Variants in PLEKHM3 observed in about 807,000 individuals in gnomAD.
The protein encoded by PLEKHM3 is pleckstrin homology domain-containing family M member 3.
Under a neutral mutation model 81.8 loss-of-function variants are expected in PLEKHM3, and 45 were observed. The observed-to-expected ratio is 0.55, with a 90% CI of 0.43 to 0.71. The LOEUF (loss-of-function observed/expected upper bound fraction) is 0.71, where lower values mean the gene tolerates loss of function less well. Among genes scored for constraint, PLEKHM3 ranks in the 30% least tolerant of loss-of-function variants. PLEKHM3 has a pLI of 0.00. For synonymous variants in PLEKHM3, 352 were observed against 356.4 expected (o/e 0.99, Z 0.14); for missense variants, 788 against 924.3 (o/e 0.85, Z 1.91).
At chr2:208,011,785 C>CTAT (rs1468793013) in intron 1 of PLEKHM3, among the ~76,000 whole-genome samples, 2 of 79,992 alleles carry the variant, frequency 2.5e-5, no homozygotes. Flanking sequence ...CTCTGATAAA[C>CTAT]TTTTTTTTTT....
At chr2:207,836,342 A>G (rs2092319486) in intron 7 of PLEKHM3, among the ~76,000 whole-genome samples, 1 of 150,438 alleles carries the variant, frequency 6.6e-6, no homozygotes, top group Non-Finnish European at 1.5e-5. Context: ...AAAAAGCACC[A>G]TGGAATGAGA....
At chr2:207,861,640 A>G (rs191533797) in intron 6 of PLEKHM3, among the ~76,000 whole-genome samples, 1 of 152,200 alleles carries the variant, frequency 6.6e-6, no homozygotes, top group African/African-American at 2.4e-5. Context: ...ATCTGAATGC[A>G]TTAAGTTTAT....
At chr2:208,020,867 T>C (rs1403830961) in intron 1 of PLEKHM3, among the ~76,000 whole-genome samples, 1 of 152,116 alleles carries the variant, frequency 6.6e-6, no homozygotes, top group Non-Finnish European at 1.5e-5. Flanking sequence ...TGAAATAGGA[T>C]AGGGTGACAA....
intron 7 of PLEKHM3, among the ~76,000 whole-genome samples, chr2:207,844,507 C>T (rs2092372806): frequency 6.6e-6 from 1 of 151,408 alleles, no homozygotes; most frequent in South Asian, 2.1e-4. Context: ...GGGGTTTCAC[C>T]GTGTTAGCCA....
chr2:207,921,464 G>A (rs946523120), intron 5 of PLEKHM3, among the ~76,000 whole-genome samples: 24 of 152,096 alleles, frequency 1.6e-4, no homozygotes, highest in African/African-American at 5.8e-4. Flanking sequence ...TCAAATCAGG[G>A]TAATTAGCAC....
At chr2:207,858,965 T>G (rs1574342125) in intron 7 of PLEKHM3, among the ~76,000 whole-genome samples, 1 of 151,874 alleles carries the variant, frequency 6.6e-6, no homozygotes, top group Admixed American at 6.6e-5. Flanking sequence ...CTTTCCTCCT[T>G]CCCCCAAGCC....
intron 5 of PLEKHM3, among the ~76,000 whole-genome samples, chr2:207,925,612 G>A (rs961107328): frequency 3.9e-5 from 6 of 152,122 alleles, no homozygotes; most frequent in Admixed American, 1.3e-4. Flanking sequence ...CCAACTTAAC[G>A]CAGAGTTTAT....
chr2:207,910,949 GTA>G lies in PLEKHM3; in HGVS notation c.1887-2374_1887-2373del, dbSNP rs376050501. On this transcript the variant is annotated intron_variant, in intron 5 of 7. Coordinates refer to ENST00000427836, the MANE Select transcript of PLEKHM3 (RefSeq NM_001080475.3). ...GAAGGGACTCTAAGATGACCCTGAA[GTA>G]TAGAGCCTGGGGATGAGAATGGTGA... Among the ~76,000 whole-genome samples the G allele has an allele frequency of 7.2e-5, 11 of 152,312 alleles. 1 individual carries two copies. Among genetic ancestry groups the G allele is most frequent in the African/African-American group, 1.9e-4 (8 of 41,582 alleles).
At chr2:207,831,560 C>G (rs995550004) in intron 7 of PLEKHM3, among the ~76,000 whole-genome samples, 10 of 152,204 alleles carry the variant, frequency 6.6e-5, no homozygotes, top group African/African-American at 2.4e-4. Context: ...ACGGTGAACC[C>G]CTTCCTATTC....
intron 4 of PLEKHM3, among the ~76,000 whole-genome samples, chr2:207,940,701 T>G (rs544004638): frequency 6.6e-6 from 1 of 152,282 alleles, no homozygotes; most frequent in African/African-American, 2.4e-5. Flanking sequence ...CATGACACGA[T>G]GGTGGCACGA....
At chr2:207,954,071 C>T (rs544156817) in intron 3 of PLEKHM3, among the ~76,000 whole-genome samples, 16 of 152,272 alleles carry the variant, frequency 1.1e-4, no homozygotes, top group African/African-American at 3.6e-4. Context: ...CCTGTAATCC[C>T]AGTACTTTTG....
chr2:207,959,555 C>A (rs74726672), intron 3 of PLEKHM3, among the ~76,000 whole-genome samples: 1 of 152,184 alleles, frequency 6.6e-6, no homozygotes, highest in Admixed American at 6.5e-5. Flanking sequence ...AGGGTCCCCT[C>A]TGACTTCTCT....
At chr2:207,894,462 T>C (rs1688155810) in intron 6 of PLEKHM3, among the ~76,000 whole-genome samples, 1 of 151,798 alleles carries the variant, frequency 6.6e-6, no homozygotes, top group South Asian at 2.1e-4. Flanking sequence ...ACTCCAGGGC[T>C]AATGATGGGT....
Position 208,001,686 on chromosome 2 carries a change from T to C in PLEKHM3, c.-47A>G, listed in dbSNP as rs758128314. The C allele has an allele frequency of 6.4e-7, 1 of 1,561,468 alleles. No individual in the cohort carries two copies. The highest frequency in any genetic ancestry group is 1.2e-5 in the South Asian group (1 of 81,934). On this transcript the variant is annotated 5_prime_UTR_variant, in exon 2 of 8. Transcript: ENST00000427836. ...TAGCCTCCTAAGCTGGTTCCAGAAATGGCTTCATGAACATTCACCCAACCA... is the reference window on the plus strand; with the variant it reads ...TAGCCTCCTAAGCTGGTTCCAGAAACGGCTTCATGAACATTCACCCAACCA...
chr2:207,839,053 A>C (rs2092335042), intron 7 of PLEKHM3, among the ~76,000 whole-genome samples: 1 of 152,178 alleles, frequency 6.6e-6, no homozygotes, highest in Admixed American at 6.6e-5. Flanking sequence ...TTACCAGTCT[A>C]CCTTCTTAAT....
At chr2:207,962,189 G>C (rs868382410) in intron 3 of PLEKHM3, among the ~76,000 whole-genome samples, 24 of 152,166 alleles carry the variant, frequency 1.6e-4, no homozygotes, top group Non-Finnish European at 2.8e-4. Flanking sequence ...AGAGGGTTGG[G>C]ACTTTGAGCC....
At chr2:207,895,344 T>TGGGA (rs1456253386) in intron 6 of PLEKHM3, among the ~76,000 whole-genome samples, 9 of 152,136 alleles carry the variant, frequency 5.9e-5, no homozygotes, top group Non-Finnish European at 1.2e-4. Context: ...TGCCAGATGA[T>TGGGA]CAGTCCCTGT....
intron 4 of PLEKHM3, among the ~76,000 whole-genome samples, chr2:207,937,097 T>C (rs1406116312): frequency 6.6e-6 from 1 of 152,178 alleles, no homozygotes; most frequent in Non-Finnish European, 1.5e-5. Flanking sequence ...AGATTATTTA[T>C]GTATGTACGC....
At chr2:207,894,855 C>G (rs1271657892) in intron 6 of PLEKHM3, among the ~76,000 whole-genome samples, 1 of 152,130 alleles carries the variant, frequency 6.6e-6, no homozygotes, top group African/African-American at 2.4e-5. Context: ...CCCAGCTCCT[C>G]CACTTTAGCT....
Sources: allele counts gnomAD v4.1 joint callset (sites outside exome capture counted in the v4.1 genomes callset), GRCh38; gene constraint gnomAD v4.1.1; transcripts MANE v1.5; gene names NCBI Gene and HGNC (gene_info 2026-07-23, HGNC 2026-07-21).